UNC5D: variants seen among roughly 807,000 people sequenced by gnomAD.
The protein encoded by UNC5D is unc-5 netrin receptor D, also known as netrin receptor UNC5D.
UNC5D carries 39 observed loss-of-function variants against 105.4 expected under a neutral mutation model. That is an observed-to-expected ratio of 0.37 (90% CI 0.29 to 0.48). The LOEUF is 0.48. Ranked by LOEUF, UNC5D falls within the 20% of genes least tolerant of loss-of-function variation. The pLI, the probability that UNC5D is intolerant of heterozygous loss-of-function variation, is 0.98. For missense variants in UNC5D, 991 were observed against 1,202.4 expected (o/e 0.82, Z 2.60); for synonymous variants, 452 against 450.4 (o/e 1.00, Z -0.04).
chr8:35,696,847 C>A (rs1477921973), intron 7 of UNC5D, among the ~76,000 whole-genome samples: 1 of 152,050 alleles, frequency 6.6e-6, no homozygotes, highest in Non-Finnish European at 1.5e-5. Context: ...AAAGACCTGG[C>A]CTTCTTACGT....
At chr8:35,768,323 G>A (rs901461941) in intron 15 of UNC5D, among the ~76,000 whole-genome samples, 3 of 152,154 alleles carry the variant, frequency 2.0e-5, no homozygotes, top group South Asian at 4.1e-4. Flanking sequence ...AGCATTATGT[G>A]CTCAAGTAGT....
At chr8:35,731,399 C>CAAAAAAAAAAAAA (rs57529561) in intron 11 of UNC5D, among the ~76,000 whole-genome samples, 2 of 30,656 alleles carry the variant, frequency 6.5e-5, no homozygotes, top group African/African-American at 1.3e-4. Flanking sequence ...ACTCTGTCTC[C>CAAAAAAAAAAAAA]AAAAAAAAAA....
chr8:35,452,643 A>C (rs981460713), intron 1 of UNC5D, among the ~76,000 whole-genome samples: 2 of 152,206 alleles, frequency 1.3e-5, no homozygotes, highest in Non-Finnish European at 2.9e-5. Flanking sequence ...AGTTAGGAAA[A>C]AAGACACGGT....
chr8:35,761,226 T>C (rs1428545955), intron 14 of UNC5D, among the ~76,000 whole-genome samples: 3 of 152,234 alleles, frequency 2.0e-5, no homozygotes, highest in East Asian at 3.8e-4. Flanking sequence ...CTGATAGTCA[T>C]GCAAATTCCT....
At chr8:35,366,210 T>A (rs1802114016) in intron 1 of UNC5D, among the ~76,000 whole-genome samples, 1 of 151,596 alleles carries the variant, frequency 6.6e-6, no homozygotes, top group African/African-American at 2.4e-5. Context: ...CGTCTTGGAG[T>A]GTTTGAGGGC....
At chr8:35,527,821 C>A (rs1375957343) in intron 1 of UNC5D, among the ~76,000 whole-genome samples, 1 of 152,052 alleles carries the variant, frequency 6.6e-6, no homozygotes, top group Non-Finnish European at 1.5e-5. Flanking sequence ...CGTGAGCCAC[C>A]ACTCTTGGCC....
chr8:35,475,032 G>T (rs932592389), intron 1 of UNC5D, among the ~76,000 whole-genome samples: 1 of 152,136 alleles, frequency 6.6e-6, no homozygotes, highest in Non-Finnish European at 1.5e-5. Context: ...GTTCTCTCTG[G>T]ATGGGTCTCA....
Position 35,691,014 on chromosome 8 carries a change from A to C in UNC5D, c.1084+4305A>C, listed in dbSNP as rs565945495. On this transcript the variant is annotated intron_variant, in intron 7 of 16. Transcript: ENST00000404895. The stretch of plus-strand genomic sequence containing the variant: ...TTTGATTTTATTTAGCCTTCAACAA[A>C]ACAATTGGTTTTTCTTTGTTGTCTC... Among the ~76,000 whole-genome samples, 3 of 152,286 alleles carry C rather than the reference A, an allele frequency of 2.0e-5. No homozygotes were observed. The South Asian group carries it at 6.2e-4, about 32-fold the overall frequency.
At chr8:35,623,537 G>C (rs942360961) in intron 4 of UNC5D, among the ~76,000 whole-genome samples, 1 of 152,028 alleles carries the variant, frequency 6.6e-6, no homozygotes, top group African/African-American at 2.4e-5. Context: ...CCTTGCCATT[G>C]CATGGCCTCT....
At chr8:35,333,069 C>T (rs774979129) in intron 1 of UNC5D, among the ~76,000 whole-genome samples, 68 of 152,206 alleles carry the variant, frequency 4.5e-4, no homozygotes, top group Non-Finnish European at 7.2e-4. Context: ...AGCTTTAGGC[C>T]AGGTGTGGTG....
intron 4 of UNC5D, among the ~76,000 whole-genome samples, chr8:35,602,066 T>C (rs1413394221): frequency 6.6e-6 from 1 of 152,234 alleles, no homozygotes; most frequent in African/African-American, 2.4e-5. Context: ...CATGTGGTTT[T>C]TGTCTTTGGT....
intron 4 of UNC5D, among the ~76,000 whole-genome samples, chr8:35,597,248 T>C (rs977173239): frequency 6.6e-6 from 1 of 152,206 alleles, no homozygotes; most frequent in South Asian, 2.1e-4. Flanking sequence ...GAACACTCCA[T>C]GCATGATGTA....
chr8:35,780,279 C>T (rs191933941), intron 16 of UNC5D, among the ~76,000 whole-genome samples: 55 of 152,314 alleles, frequency 3.6e-4, no homozygotes, highest in African/African-American at 1.2e-3. Context: ...AAACCGTATA[C>T]GTGAAATTCC....
At chr8:35,749,443 C>T (rs1830158155) in intron 12 of UNC5D, among the ~76,000 whole-genome samples, 1 of 152,158 alleles carries the variant, frequency 6.6e-6, no homozygotes, top group African/African-American at 2.4e-5. Context: ...ACACAAATGA[C>T]CTGTTCCAGC....
chr8:35,470,529 G>C (rs1809629462), intron 1 of UNC5D, among the ~76,000 whole-genome samples: 2 of 150,406 alleles, frequency 1.3e-5, no homozygotes, highest in Non-Finnish European at 2.9e-5. Flanking sequence ...GCTGAGGTGG[G>C]ATGATCACCT....
At chr8:35,730,734 C>G (rs1329788020) in intron 10 of UNC5D, among the ~76,000 whole-genome samples, 1 of 151,648 alleles carries the variant, frequency 6.6e-6, no homozygotes, top group Non-Finnish European at 1.5e-5. Flanking sequence ...TCTTAGAACA[C>G]TCAATCTTTT....
At chr8:35,489,009 A>ATT (rs1319148906) in intron 1 of UNC5D, among the ~76,000 whole-genome samples, 62 of 143,212 alleles carry the variant, frequency 4.3e-4, no homozygotes, top group African/African-American at 1.3e-3. Flanking sequence ...TCTCCCCCCA[A>ATT]TTTTTTTTTT....
intron 7 of UNC5D, among the ~76,000 whole-genome samples, chr8:35,693,887 G>C (rs1826577928): frequency 6.6e-6 from 1 of 152,054 alleles, no homozygotes; most frequent in African/African-American, 2.4e-5. Flanking sequence ...CATTTTATGA[G>C]AGAAGTCAAA....
chr8:35,549,551 T>C, intron 2 of UNC5D, 41 bp downstream of exon 2: 1 of 1,574,902 alleles, frequency 6.3e-7, no homozygotes, highest in Non-Finnish European at 8.7e-7. Flanking sequence ...TGGTGACTCT[T>C]TAGGTTCTCC....
Sources: gnomAD v4.1 joint callset for allele counts (sites outside exome capture counted in the v4.1 genomes callset) on GRCh38, gnomAD v4.1.1 for gene constraint, MANE v1.5 for transcripts, NCBI Gene and HGNC (gene_info 2026-07-23, HGNC 2026-07-21) for gene names.